UGT8: variants seen among roughly 807,000 people sequenced by gnomAD.
UGT8 encodes UDP glycosyltransferase 8, also known as 2-hydroxyacylsphingosine 1-beta-galactosyltransferase.
In UGT8, 12 loss-of-function variants were observed where a neutral mutation model predicts 40.5. That is an observed-to-expected ratio of 0.30 (90% CI 0.19 to 0.48). The LOEUF (loss-of-function observed/expected upper bound fraction) is 0.48, where lower values mean the gene tolerates loss of function less well. Among genes scored for constraint, UGT8 ranks in the 20% least tolerant of loss-of-function variants. The pLI is 0.99. For missense variants in UGT8, 513 were observed against 648.7 expected (o/e 0.79, Z 2.27); for synonymous variants, 224 against 240.4 (o/e 0.93, Z 0.63).
chr4:114,647,829 T>C (rs1240060587), intron 2 of UGT8, among the ~76,000 whole-genome samples: 4 of 152,234 alleles, frequency 2.6e-5, no homozygotes, highest in African/African-American at 9.6e-5. Context: ...CTCAGGCTGC[T>C]GGCTCTTAGG....
At chr4:114,639,255 A>G (rs371947109) in intron 2 of UGT8, among the ~76,000 whole-genome samples, 72 of 152,244 alleles carry the variant, frequency 4.7e-4, no homozygotes, top group African/African-American at 1.6e-3. Flanking sequence ...TCATTCATCA[A>G]TTCTCTCAGC....
chr4:114,621,733 C>G (rs1731804131), intron 1 of UGT8, among the ~76,000 whole-genome samples: 1 of 152,116 alleles, frequency 6.6e-6, no homozygotes, highest in Non-Finnish European at 1.5e-5. Flanking sequence ...TCAGCCTTAT[C>G]AAAATGTTAT....
At position 114,677,111 on chromosome 4, in the gene UGT8, A is replaced by G. The variant is rs912868316; in HGVS notation, c.*823A>G. The G allele has an allele frequency of 2.0e-5, 3 of 152,144 alleles. No homozygotes were observed. Among genetic ancestry groups the G allele is most frequent in the African/African-American group, 7.2e-5 (3 of 41,424 alleles). The allele number at this position is 152,144 out of a possible 1,614,324, so 9.4% of individuals were successfully genotyped here. A position where few individuals can be genotyped will look rare whatever the true frequency, so the allele number is the denominator to read the frequency against. On this transcript the variant is annotated 3_prime_UTR_variant, in exon 6 of 6. Transcript: ENST00000310836. Reference sequence around the variant, plus strand: ...ATGAGTAACAATATGTTAAATGCATAATTAAGACAAAGCAATGAAATTCTG... The same window carrying G: ...ATGAGTAACAATATGTTAAATGCATGATTAAGACAAAGCAATGAAATTCTG...
intron 2 of UGT8, among the ~76,000 whole-genome samples, chr4:114,628,357 C>G (rs1732368701): frequency 6.6e-6 from 1 of 151,986 alleles, no homozygotes; most frequent in Non-Finnish European, 1.5e-5. Context: ...CCAGGATGGT[C>G]TCAAACTCCT....
chr4:114,667,967 G>T, intron 4 of UGT8, 118 bp from the exon 5 acceptor site: 1 of 1,455,328 alleles, frequency 6.9e-7, no homozygotes, highest in African/African-American at 1.4e-5. Flanking sequence ...TACACCTTTA[G>T]GAATCCTTTA....
intron 1 of UGT8, among the ~76,000 whole-genome samples, chr4:114,604,843 T>G (rs1730645749): frequency 6.6e-6 from 1 of 152,190 alleles, no homozygotes; most frequent in African/African-American, 2.4e-5. Flanking sequence ...AATCATATTC[T>G]TTACCTGAAA....
chr4:114,626,106 A>G (rs542634950), intron 2 of UGT8, among the ~76,000 whole-genome samples: 2 of 152,306 alleles, frequency 1.3e-5, no homozygotes, highest in African/African-American at 4.8e-5. Context: ...AATGTTATTT[A>G]TAGTTTTTGA....
At chr4:114,641,708 G>A (rs1045452111) in intron 2 of UGT8, among the ~76,000 whole-genome samples, 9 of 152,176 alleles carry the variant, frequency 5.9e-5, no homozygotes, top group African/African-American at 1.9e-4. Context: ...TAGTAAACTG[G>A]AGAAAAACGA....
intron 2 of UGT8, among the ~76,000 whole-genome samples, chr4:114,631,042 A>G (rs968044871): frequency 6.6e-6 from 1 of 152,222 alleles, no homozygotes; most frequent in African/African-American, 2.4e-5. Context: ...AACTAGACTC[A>G]GTAACCTAGA....
In UGT8 at chr4:114,677,993, A is replaced by G. The variant is rs1435605122; in HGVS notation, c.*1705A>G. 4 of 152,248 alleles carry G rather than the reference A, an allele frequency of 2.6e-5. No homozygotes were observed. Among genetic ancestry groups the G allele is most frequent in the Non-Finnish European group, 5.9e-5 (4 of 68,044 alleles). The allele number at this position is 152,248 out of a possible 1,614,324, so 9.4% of individuals were successfully genotyped here. ...TGAAGAAATGGTATTATACATACAT[A>G]GAAACTTATTAGTTATACCTTTTCA... On this transcript the variant is annotated 3_prime_UTR_variant, in exon 6 of 6. Transcript: ENST00000310836.
At chr4:114,598,525 T>A (rs1730219822), upstream of UGT8, 1 of 152,192 alleles carries the variant, frequency 6.6e-6, no homozygotes, top group African/African-American at 2.4e-5. Flanking sequence ...TGCGAGCGCG[T>A]GGTACGAAGG....
intron 3 of UGT8, chr4:114,665,359 C>T: frequency 1.0e-6 from 1 of 984,800 alleles, no homozygotes; most frequent in Non-Finnish European, 1.2e-6. Context: ...TGGGGAATAA[C>T]TTCTAGTGTA....
At chr4:114,629,401 A>G (rs1223028809) in intron 2 of UGT8, among the ~76,000 whole-genome samples, 1 of 152,216 alleles carries the variant, frequency 6.6e-6, no homozygotes, top group African/African-American at 2.4e-5. Flanking sequence ...TTGGTACTCT[A>G]TACCCTGAAT....
intron 1 of UGT8, among the ~76,000 whole-genome samples, chr4:114,618,988 A>G (rs1301763049): frequency 6.6e-6 from 1 of 152,084 alleles, no homozygotes; most frequent in Non-Finnish European, 1.5e-5. Context: ...TCTTGGGCTA[A>G]TTCCAGTTTT....
intron 2 of UGT8, chr4:114,663,772 T>G: frequency 1.0e-6 from 1 of 985,234 alleles, no homozygotes; most frequent in South Asian, 4.7e-5. Flanking sequence ...TTTTTGTTAC[T>G]TACAGATCTT....
intron 2 of UGT8, among the ~76,000 whole-genome samples, chr4:114,629,911 G>T (rs1209998291): frequency 6.6e-6 from 1 of 152,074 alleles, no homozygotes; most frequent in Non-Finnish European, 1.5e-5. Context: ...TGTTCATTTA[G>T]GTATTAAGTC....
intron 1 of UGT8, among the ~76,000 whole-genome samples, chr4:114,618,412 A>G (rs545397952): frequency 2.0e-5 from 3 of 152,340 alleles, no homozygotes; most frequent in South Asian, 2.1e-4. Context: ...TGCCGGTTTT[A>G]TAAGAGACAA....
intron 4 of UGT8, among the ~76,000 whole-genome samples, chr4:114,667,077 A>G (rs1734931537): frequency 6.6e-6 from 1 of 152,050 alleles, no homozygotes; most frequent in African/African-American, 2.4e-5. Flanking sequence ...TTTGAAATCC[A>G]CTTCTAGGGC....
intron 4 of UGT8, among the ~76,000 whole-genome samples, chr4:114,666,788 T>C (rs1157251207): frequency 1.3e-5 from 2 of 152,150 alleles, no homozygotes; most frequent in Non-Finnish European, 2.9e-5. Flanking sequence ...CTGAAAACTC[T>C]CCTCAAGTCC....
Sources: allele counts gnomAD v4.1 joint callset (sites outside exome capture counted in the v4.1 genomes callset), GRCh38; gene constraint gnomAD v4.1.1; transcripts MANE v1.5; gene names NCBI Gene and HGNC (gene_info 2026-07-23, HGNC 2026-07-21).